HERC1: variants seen among roughly 807,000 people sequenced by gnomAD.
HERC1 encodes probable E3 ubiquitin-protein ligase HERC1.
Under a neutral mutation model 554.3 loss-of-function variants are expected in HERC1, and 160 were observed. The observed-to-expected ratio is 0.29, with a 90% confidence interval of 0.25 to 0.33. The LOEUF (loss-of-function observed/expected upper bound fraction) is 0.33. HERC1 is among the 10% of genes least tolerant of loss of function. The probability of loss-of-function intolerance (pLI) is 1.00; values close to 1 mark genes in which losing one functional copy is unlikely to be tolerated. For missense variants in HERC1, 4,919 were observed against 5,918.5 expected (o/e 0.83, Z 5.54); for synonymous variants, 2,175 against 2,131.7 (o/e 1.02, Z -0.56).
chr15:63,740,931 T>C (rs967946611), intron 12 of HERC1, among the ~76,000 whole-genome samples: 2 of 152,220 alleles, frequency 1.3e-5, no homozygotes, highest in African/African-American at 4.8e-5. Context: ...TTTGATGATG[T>C]CCAATTTATT....
Position 63,756,401 on chromosome 15 carries a change from T to C in HERC1, c.1533+36A>G. On this transcript the variant is annotated intron_variant, in intron 5 of 77. Coordinates refer to ENST00000443617, the MANE Select transcript of HERC1 (RefSeq NM_003922.4). This position sits in a 1 kb window ranked among gnomAD's most constrained non-coding sequence, Gnocchi z 5.0. ...CATTGTCAATTACAACTCCAATGCA[T>C]CTAATTATTTTTATAACCAAAAAGA... 4 of 1,513,248 alleles carry C rather than the reference T, an allele frequency of 2.6e-6. No homozygotes were observed. Among genetic ancestry groups the C allele is most frequent in the Non-Finnish European group, 3.6e-6 (4 of 1,108,428 alleles). The allele number at this position is 1,513,248 out of a possible 1,614,324, so 93.7% of individuals were successfully genotyped here.
intron 23 of HERC1, 144 bp from the exon 24 acceptor site, chr15:63,713,039 G>T: frequency 1.2e-6 from 1 of 825,116 alleles, no homozygotes; most frequent in Non-Finnish European, 1.8e-6. Context: ...TCTTGTCTGA[G>T]CACAAAGACC....
chr15:63,770,488 C>A (rs2075918828), intron 2 of HERC1, among the ~76,000 whole-genome samples: 1 of 152,168 alleles, frequency 6.6e-6, no homozygotes, highest in African/African-American at 2.4e-5. Context: ...TCTGGCACAA[C>A]ATGTGCAGTA....
chr15:63,679,107 A>T (rs997948457), intron 36 of HERC1, among the ~76,000 whole-genome samples: 2 of 152,246 alleles, frequency 1.3e-5, no homozygotes, highest in Non-Finnish European at 2.9e-5. Context: ...ATTGATACAT[A>T]GTCTAAGTCT....
rs141271203 is a variant in HERC1, at chr15:63,730,128, C to A, written c.2869-479G>T. ...ATACTAGCTATTAGATGGTAAAATT[C>A]ATCAAGCTACTTCTATTTGTTTTTT... On this transcript the variant is annotated intron_variant, in intron 14 of 77. Coordinates refer to ENST00000443617, the MANE Select transcript of HERC1 (RefSeq NM_003922.4). Among the ~76,000 whole-genome samples the A allele has an allele frequency of 2.0e-3, 285 of 145,512 alleles. 3 individuals are homozygous for A. Among genetic ancestry groups the A allele is most frequent in the Middle Eastern group, 7.5e-3 (2 of 268 alleles).
chr15:63,641,086 A>G lies in HERC1; in HGVS notation c.11607+384T>C. 1.3e-5 allele frequency among the ~76,000 whole-genome samples: 2 copies of G among 152,204 alleles called. 1 individual carries two copies. The highest frequency in any genetic ancestry group is 2.9e-5 in the Non-Finnish European group (2 of 68,032). ...TATCTAATAAGTGGAGACGATATTC[A>G]GTCTGATACCCGCATCCATCCCTAT... On this transcript the variant is annotated intron_variant, in intron 60 of 77. Transcript: ENST00000443617.
intron 8 of HERC1, among the ~76,000 whole-genome samples, chr15:63,750,419 G>A (rs1286312551): frequency 1.3e-5 from 2 of 151,906 alleles, no homozygotes; most frequent in Non-Finnish European, 2.9e-5. Flanking sequence ...TTTTGTCTTT[G>A]GCAAGACAAA....
rs1415104433 is a variant in HERC1 at position 63,641,452 on chromosome 15, G to A, written c.11607+18C>T. 3.8e-6 allele frequency: 6 copies of A among 1,597,256 alleles called. No homozygotes were observed. In the East Asian group the frequency reaches 6.7e-5, roughly 18 times the overall value. On this transcript the variant is annotated intron_variant, in intron 60 of 77. Transcript: ENST00000443617. ...ACCAGGTATCTGTGTATCTCTAGGA[G>A]TGAGTGTAATGAGTTACCTTTTCAT... is the stretch of plus-strand genomic sequence containing the variant.
rs374085693 is a variant in HERC1, at chr15:63,818,100, G to GC, written c.-27+15726dup. ...TCCTATATAATAATTACTCTTATTT[G>GC]CAAGTCTGTTAACAATATCTAACCA... On this transcript the variant is annotated intron_variant, in intron 1 of 77. Transcript: ENST00000443617. 2.2e-3 allele frequency among the ~76,000 whole-genome samples: 333 copies of GC among 152,060 alleles called. 1 individual carries two copies. Among genetic ancestry groups the GC allele is most frequent in the Non-Finnish European group, 4.1e-3 (282 of 67,990 alleles).
chr15:63,742,915 G>A (rs1374243418), intron 12 of HERC1, among the ~76,000 whole-genome samples: 3 of 152,152 alleles, frequency 2.0e-5, no homozygotes, highest in African/African-American at 7.2e-5. Flanking sequence ...ATGCATCAGA[G>A]TACTTTAATA....
chr15:63,824,359 C>A (rs1299957373), intron 1 of HERC1, among the ~76,000 whole-genome samples: 1 of 151,908 alleles, frequency 6.6e-6, no homozygotes, highest in Non-Finnish European at 1.5e-5. Context: ...CAGTGAAACC[C>A]CATCTCTACT....
chr15:63,831,489 T>C (rs943611885), intron 1 of HERC1, among the ~76,000 whole-genome samples: 3 of 152,252 alleles, frequency 2.0e-5, no homozygotes, highest in African/African-American at 7.2e-5. Flanking sequence ...GTTATCCAAC[T>C]ATAACATTCA....
chr15:63,752,841 G>T (rs1213359633), intron 8 of HERC1, 117 bp downstream of exon 8: 7 of 966,080 alleles, frequency 7.2e-6, no homozygotes, highest in Non-Finnish European at 1.1e-5. Context: ...TTTCATTTTA[G>T]CATGTTGCCT....
chr15:63,752,892 A>G (rs528698066), intron 8 of HERC1, 66 bp downstream of exon 8: 16 of 1,373,290 alleles, frequency 1.2e-5, no homozygotes, highest in Non-Finnish European at 1.6e-5. Flanking sequence ...AAATACAAGT[A>G]TTACTTTTTA....
intron 38 of HERC1, among the ~76,000 whole-genome samples, chr15:63,673,015 TCTAA>T (rs2071015103): frequency 6.6e-6 from 1 of 152,204 alleles, no homozygotes; most frequent in Non-Finnish European, 1.5e-5. Flanking sequence ...TAAGAGGTTC[TCTAA>T]GGTATCCAAT....
intron 12 of HERC1, among the ~76,000 whole-genome samples, chr15:63,743,096 C>G (rs1309533881): frequency 6.6e-6 from 1 of 152,044 alleles, no homozygotes; most frequent in Non-Finnish European, 1.5e-5. Flanking sequence ...ACAAGTGAAG[C>G]CATTTGCTCC....
At position 63,747,130 on chromosome 15, in the gene HERC1, T is replaced by G. The variant is rs2075082482; in HGVS notation, c.2355-47A>C. On this transcript the variant is annotated intron_variant, in intron 11 of 77. Transcript: ENST00000443617. ...TGAATTCTCGGATCATAAAAGTGCC[T>G]GTGCTATCCAGTTTGGGTAACATTT... The G allele has an allele frequency of 3.3e-6, 5 of 1,534,010 alleles. No homozygotes were observed. The East Asian group carries it at 1.2e-4, about 36-fold the overall frequency.
At chr15:63,732,506 G>C (rs2074339090) in intron 14 of HERC1, among the ~76,000 whole-genome samples, 2 of 152,150 alleles carry the variant, frequency 1.3e-5, no homozygotes, top group Admixed American at 1.3e-4. Flanking sequence ...AAACACTAGA[G>C]ATTTAGAATT....
Position 63,734,926 on chromosome 15 carries a change from C to T in HERC1, c.2521-77G>A. 1 of 1,247,038 alleles carries T rather than the reference C, an allele frequency of 8.0e-7. No homozygotes were observed. 77.2% of individuals were successfully genotyped at this position (1,247,038 alleles called of 1,614,324 possible). On this transcript the variant is annotated intron_variant, in intron 12 of 77. Transcript: ENST00000443617. This position sits in a 1 kb window ranked among gnomAD's most constrained non-coding sequence, Gnocchi z 4.6. ...TAAAAACACACTTAAAGCGAACTCA[C>T]TGACTACTAGGATCATGTAAGTCTA...
Sources: allele counts gnomAD v4.1 joint callset (sites outside exome capture counted in the v4.1 genomes callset), GRCh38; gene constraint gnomAD v4.1.1; non-coding constraint Gnocchi (gnomAD v3.1); transcripts MANE v1.5; gene names NCBI Gene and HGNC (gene_info 2026-07-23, HGNC 2026-07-21).